The following AHRR variants were observed in gnomAD, a reference collection of about 807,000 sequenced individuals.
The protein encoded by AHRR is aryl hydrocarbon receptor repressor.
Under a neutral mutation model 44.0 loss-of-function variants are expected in AHRR, and 28 were observed. The ratio of observed to expected loss-of-function variants is 0.64; its 90% CI spans 0.47 to 0.87. The LOEUF (loss-of-function observed/expected upper bound fraction) is 0.87. Among genes scored for constraint, AHRR ranks in the 40% least tolerant of loss-of-function variants. The probability of loss-of-function intolerance (pLI) is 0.00; values close to 1 mark genes in which losing one functional copy is unlikely to be tolerated. For missense variants in AHRR, 990 were observed against 953.9 expected (o/e 1.04, Z -0.50); for synonymous variants, 434 against 407.0 (o/e 1.07, Z -0.80).
chr5:404,399 A>T lies in AHRR; in HGVS notation c.352-8945A>T. 1.9e-6 allele frequency: 1 copy of T among 534,658 alleles called. No individual in the cohort carries two copies. The highest frequency in any genetic ancestry group is 3.8e-6 in the Non-Finnish European group (1 of 263,606). The allele number at this position is 534,658 out of a possible 1,614,324, so 33.1% of individuals were successfully genotyped here. On this transcript the variant is annotated intron_variant, in intron 4 of 10. Coordinates refer to ENST00000684583, the MANE Select transcript of AHRR (RefSeq NM_001377236.1). This position sits in a 1 kb window ranked among gnomAD's most constrained non-coding sequence, Gnocchi z 4.1. Reference sequence around the variant, plus strand: ...CAGTGGTCCTAAAGCCTTTTGCATGATTTAGGAAGGAGAGTCTTGGGGCAG... The same window carrying T: ...CAGTGGTCCTAAAGCCTTTTGCATGTTTTAGGAAGGAGAGTCTTGGGGCAG...
In AHRR at chr5:437,636, G is replaced by T. The variant is rs768205716; in HGVS notation, c.*2802G>T. The T allele has an allele frequency of 6.6e-6, 1 of 152,402 alleles. No individual in the cohort carries two copies. The highest frequency in any genetic ancestry group is 2.1e-4 in the South Asian group (1 of 4,840). 9.4% of individuals were successfully genotyped at this position (152,402 alleles called of 1,614,324 possible). A position where few individuals can be genotyped will look rare whatever the true frequency, so the allele number is the denominator to read the frequency against. ...TGCAGCCTCCCAGACCTTTAGATGC[G>T]CCCCTGCCCAAGGCCCTCCTGGTGA... On this transcript the variant is annotated 3_prime_UTR_variant, in exon 11 of 11. Coordinates refer to ENST00000684583, the MANE Select transcript of AHRR (RefSeq NM_001377236.1).
intron 1 of AHRR, chr5:343,536 G>GCGCCC (rs1742439316): frequency 1.0e-5 from 3 of 301,280 alleles, no homozygotes; most frequent in South Asian, 9.2e-5. Flanking sequence ...GGCCTTGGCT[G>GCGCCC]CGCCCCGCCC....
chr5:323,221 C>T (rs1741567993), intron 1 of AHRR, among the ~76,000 whole-genome samples: 1 of 152,264 alleles, frequency 6.6e-6, no homozygotes, highest in Non-Finnish European at 1.5e-5. Flanking sequence ...CGTCAGGAGG[C>T]CGGGGACAGC....
intron 7 of AHRR, chr5:427,486 G>T: frequency 1.1e-6 from 1 of 908,052 alleles, no homozygotes; most frequent in Non-Finnish European, 1.7e-6. Context: ...GGTCCCACAG[G>T]CGCAGTTCGT....
At chr5:369,190 C>T (rs561087080) in intron 3 of AHRR, among the ~76,000 whole-genome samples, 5 of 152,318 alleles carry the variant, frequency 3.3e-5, no homozygotes, top group African/African-American at 1.2e-4. Context: ...GTGAGCACCT[C>T]GAATGCATTC....
At chr5:366,338 A>G (rs1743360628) in intron 3 of AHRR, among the ~76,000 whole-genome samples, 1 of 152,292 alleles carries the variant, frequency 6.6e-6, no homozygotes, top group Non-Finnish European at 1.5e-5. Flanking sequence ...CCCGCTGGCC[A>G]AGTCTGGGAC....
At position 343,963 on chromosome 5, in the gene AHRR, CAG is replaced by C. The variant is rs777625315; in HGVS notation, c.62_62+1del. The stretch of plus-strand genomic sequence containing the variant: ...GAAGCGGAGGAGGCCCCTGCAGAAA[CAG>C]TAAAGTATCCCGCCTTCTGCTTGTG... On this transcript the variant is annotated splice_donor_variant and coding_sequence_variant, in exon 2 of 11. Coordinates refer to ENST00000684583, the MANE Select transcript of AHRR (RefSeq NM_001377236.1). The C allele has an allele frequency of 6.3e-7, 1 of 1,597,550 alleles. No homozygotes were observed. The highest frequency in any genetic ancestry group is 1.7e-4 in the Middle Eastern group (1 of 6,012).
rs1001369371 is a variant in AHRR at position 427,539 on chromosome 5, C to T, written c.709-268C>T. ...TGGCACACATGAACAGGCACACACG[C>T]GGGAATGAACCTGTCAAAGGCCGTC... On this transcript the variant is annotated intron_variant, in intron 7 of 10. Transcript: ENST00000684583. The T allele has an allele frequency of 2.9e-5, 41 of 1,434,552 alleles. 1 individual carries two copies. The highest frequency in any genetic ancestry group is 2.5e-4 in the Middle Eastern group (1 of 4,076). 88.9% of individuals were successfully genotyped at this position (1,434,552 alleles called of 1,614,324 possible). A position where few individuals can be genotyped will look rare whatever the true frequency, so the allele number is the denominator to read the frequency against.
Position 335,216 on chromosome 5 carries a change from C to T in AHRR, c.-10-8677C>T, listed in dbSNP as rs370163444. ...GAAGCTAGTTGTAGTAGCAGTGTAC[C>T]ATGCGAGTGAGCAGGCTTCCTAGTT... is the stretch of plus-strand genomic sequence containing the variant. On this transcript the variant is annotated intron_variant, in intron 1 of 10. Coordinates refer to ENST00000684583, the MANE Select transcript of AHRR (RefSeq NM_001377236.1). 4.1e-4 allele frequency among the ~76,000 whole-genome samples: 62 copies of T among 152,258 alleles called. 1 individual carries two copies. Among genetic ancestry groups the T allele is most frequent in the African/African-American group, 1.3e-3 (55 of 41,534 alleles).
chr5:375,917 C>A (rs1046062387), intron 3 of AHRR, among the ~76,000 whole-genome samples: 3 of 152,210 alleles, frequency 2.0e-5, no homozygotes, highest in Admixed American at 2.0e-4. Flanking sequence ...GGAGAATGCA[C>A]CATCCTCAGG....
chr5:352,238 C>G (rs113773479), intron 2 of AHRR, among the ~76,000 whole-genome samples: 4 of 142,932 alleles, frequency 2.8e-5, no homozygotes, highest in Non-Finnish European at 6.1e-5. Context: ...ATGGGTTAGC[C>G]GTAGGGGATG....
intron 1 of AHRR, among the ~76,000 whole-genome samples, chr5:341,460 C>A (rs1175101111): frequency 1.3e-5 from 2 of 151,382 alleles, no homozygotes; most frequent in African/African-American, 2.4e-5. Context: ...TTTCAAAGAA[C>A]CAACTTTTGG....
chr5:387,930 A>C lies in AHRR; in HGVS notation c.351+11214A>C, dbSNP rs997940688. On this transcript the variant is annotated intron_variant, in intron 4 of 10. Transcript: ENST00000684583. The surrounding 1 kb of genome is among the most constrained non-coding windows in gnomAD (Gnocchi z 5.1). Reference sequence around the variant, plus strand: ...CCCCTTGACAAAGGCTCTTGGGGAGAGTGTACTCCACACCCCCTCGCTTCT... The same window carrying C: ...CCCCTTGACAAAGGCTCTTGGGGAGCGTGTACTCCACACCCCCTCGCTTCT... 7.9e-5 allele frequency among the ~76,000 whole-genome samples: 12 copies of C among 151,946 alleles called. No individual in the cohort carries two copies. Among genetic ancestry groups the C allele is most frequent in the Admixed American group, 2.6e-4 (4 of 15,220 alleles).
intron 4 of AHRR, among the ~76,000 whole-genome samples, chr5:378,967 T>TG (rs1386080549): frequency 6.6e-6 from 1 of 152,232 alleles, no homozygotes; most frequent in East Asian, 1.9e-4. Context: ...CGGCATTCAG[T>TG]GGGATGTGAC....
At position 432,455 on chromosome 5, in the gene AHRR, C is replaced by G. The variant is rs765308393; in HGVS notation, c.909-8C>G. The G allele has an allele frequency of 6.2e-7, 1 of 1,613,530 alleles. No homozygotes were observed. The highest frequency in any genetic ancestry group is 1.3e-5 in the African/African-American group (1 of 74,934). On this transcript the variant is annotated splice_polypyrimidine_tract_variant and splice_region_variant and intron_variant, in intron 8 of 10. Coordinates refer to ENST00000684583, the MANE Select transcript of AHRR (RefSeq NM_001377236.1). ...CACATGTCACATGTTCATCTGTGTT[C>G]TTCACAGAGTAAAAGCCACCACCAG...
chr5:346,045 A>G (rs964592954), intron 2 of AHRR, among the ~76,000 whole-genome samples: 4 of 152,180 alleles, frequency 2.6e-5, no homozygotes, highest in African/African-American at 9.7e-5. Context: ...CGGTGAGCAC[A>G]TGCGCAAAAC....
chr5:356,420 G>A (rs1223171874), intron 3 of AHRR, among the ~76,000 whole-genome samples: 1 of 152,256 alleles, frequency 6.6e-6, no homozygotes, highest in African/African-American at 2.4e-5. Flanking sequence ...AGAACTCCTT[G>A]GGGGTGCCTG....
At chr5:402,794 G>C (rs1307454817) in intron 4 of AHRR, among the ~76,000 whole-genome samples, 1 of 152,178 alleles carries the variant, frequency 6.6e-6, no homozygotes, top group Non-Finnish European at 1.5e-5. Flanking sequence ...GAGACAACCT[G>C]CATGTCCACC....
At position 438,107 on chromosome 5, in the gene AHRR, G is replaced by A. The variant is rs1027262264; in HGVS notation, c.*3273G>A. 3 of 152,306 alleles carry A rather than the reference G, an allele frequency of 2.0e-5. No homozygotes were observed. Among genetic ancestry groups the A allele is most frequent in the African/African-American group, 7.2e-5 (3 of 41,450 alleles). The allele number at this position is 152,306 out of a possible 1,614,324, so 9.4% of individuals were successfully genotyped here. On this transcript the variant is annotated 3_prime_UTR_variant, in exon 11 of 11. Transcript: ENST00000684583. ...TTGCAGTTTCTACTGGAAGAAAAAA[G>A]TTTTCAATACCTAGACCAACTTGTT...
Sources: allele counts gnomAD v4.1 joint callset (sites outside exome capture counted in the v4.1 genomes callset), GRCh38; gene constraint gnomAD v4.1.1; non-coding constraint Gnocchi (gnomAD v3.1); transcripts MANE v1.5; gene names NCBI Gene and HGNC (gene_info 2026-07-23, HGNC 2026-07-21).